Variants in CCSER1 observed in about 807,000 individuals in gnomAD.
CCSER1 encodes the protein coiled-coil serine rich protein 1, also known as serine-rich coiled-coil domain-containing protein 1.
In CCSER1, 41 loss-of-function variants were observed where a neutral mutation model predicts 82.0. The observed-to-expected ratio is 0.50, with a 90% confidence interval of 0.39 to 0.65. The LOEUF is 0.65. CCSER1 is among the 30% of genes least tolerant of loss of function. The probability of loss-of-function intolerance (pLI) is 0.00; values close to 1 mark genes in which losing one functional copy is unlikely to be tolerated. For synonymous variants in CCSER1, 414 were observed against 383.9 expected, an observed-to-expected ratio of 1.08 and a Z score of -0.92; for missense variants, 1,119 against 1,064.2, an observed-to-expected ratio of 1.05 and a Z score of -0.72.
intron 5 of CCSER1, among the ~76,000 whole-genome samples, chr4:90,595,793 A>C (rs114709854): frequency 0.019 from 2,910 of 152,012 alleles, 107 homozygotes; most frequent in African/African-American, 0.067. Context: ...TTTTCACAAA[A>C]AATAAAATAA....
chr4:90,276,255 C>CTTTCTTTGT (rs1560929917), intron 1 of CCSER1, among the ~76,000 whole-genome samples: 52 of 52,844 alleles, frequency 9.8e-4, no homozygotes, highest in African/African-American at 3.7e-3. Context: ...TCTTTCTTTC[C>CTTTCTTTGT]TTCCTTCCTT....
chr4:90,687,934 TA>T (rs1451787089), intron 6 of CCSER1, among the ~76,000 whole-genome samples: 243 of 152,278 alleles, frequency 1.6e-3, no homozygotes, highest in African/African-American at 5.7e-3. Flanking sequence ...TCTAACTCTG[TA>T]GCCTGTCCTC....
At chr4:90,511,456 A>G (rs1771497073) in intron 5 of CCSER1, among the ~76,000 whole-genome samples, 1 of 152,158 alleles carries the variant, frequency 6.6e-6, no homozygotes, top group South Asian at 2.1e-4. Context: ...TAACTTCAAC[A>G]CAGCTTTACG....
chr4:91,430,909 G>A (rs1350418636), intron 10 of CCSER1, among the ~76,000 whole-genome samples: 1 of 152,128 alleles, frequency 6.6e-6, no homozygotes, highest in Non-Finnish European at 1.5e-5. Context: ...TAAACAATCT[G>A]TTTTATTGTA....
intron 8 of CCSER1, among the ~76,000 whole-genome samples, chr4:90,855,103 A>T (rs759652830): frequency 1.3e-5 from 2 of 152,124 alleles, no homozygotes; most frequent in Non-Finnish European, 2.9e-5. Context: ...CCCATGATCC[A>T]GTCCAGTCAC....
At chr4:90,821,049 A>G (rs1759663086) in intron 8 of CCSER1, among the ~76,000 whole-genome samples, 1 of 152,068 alleles carries the variant, frequency 6.6e-6, no homozygotes, top group African/African-American at 2.4e-5. Flanking sequence ...GTGTTGGGGG[A>G]AATAAGGGCC....
intron 6 of CCSER1, among the ~76,000 whole-genome samples, chr4:90,720,024 T>G (rs1742391177): frequency 6.6e-6 from 1 of 152,208 alleles, no homozygotes; most frequent in South Asian, 2.1e-4. Context: ...TTGCTCATTC[T>G]TTTAATACTT....
chr4:90,563,261 G>A (rs1237004685), intron 5 of CCSER1, among the ~76,000 whole-genome samples: 8 of 151,878 alleles, frequency 5.3e-5, no homozygotes, highest in African/African-American at 9.7e-5. Context: ...ACAGGTGCCC[G>A]CCACCATGCC....
chr4:90,838,837 A>T, intron 8 of CCSER1: 16 of 1,599,026 alleles, frequency 1.0e-5, no homozygotes, highest in Non-Finnish European at 1.4e-5. Flanking sequence ...TTAAACAGCT[A>T]AAAGAAGTAA....
At chr4:91,202,553 G>C (rs936023590) in intron 10 of CCSER1, among the ~76,000 whole-genome samples, 1 of 152,006 alleles carries the variant, frequency 6.6e-6, no homozygotes, top group African/African-American at 2.4e-5. Context: ...ATTGCCGAAA[G>C]AGGCAGGATA....
At chr4:90,703,490 C>T (rs530592020) in intron 6 of CCSER1, among the ~76,000 whole-genome samples, 80 of 152,072 alleles carry the variant, frequency 5.3e-4, no homozygotes, top group African/African-American at 1.6e-3. Flanking sequence ...CTATTAGGTC[C>T]GCTTGATGTA....
chr4:90,231,198 A>G (rs1200124798), intron 1 of CCSER1, among the ~76,000 whole-genome samples: 1 of 152,086 alleles, frequency 6.6e-6, no homozygotes, highest in Non-Finnish European at 1.5e-5. Flanking sequence ...AATATCCTTG[A>G]TGAACATTGA....
intron 10 of CCSER1, among the ~76,000 whole-genome samples, chr4:91,208,350 T>C (rs796458944): frequency 1.7e-4 from 26 of 152,136 alleles, no homozygotes; most frequent in African/African-American, 5.8e-4. Flanking sequence ...CCAGGGTTTT[T>C]ATACTTCTAG....
At chr4:90,160,449 CAGG>C (rs1729224131) in intron 1 of CCSER1, among the ~76,000 whole-genome samples, 1 of 152,128 alleles carries the variant, frequency 6.6e-6, no homozygotes, top group Admixed American at 6.6e-5. Flanking sequence ...GGAGGACTAT[CAGG>C]AGATTTCAGT....
intron 1 of CCSER1, among the ~76,000 whole-genome samples, chr4:90,168,608 G>T (rs1730982242): frequency 6.6e-6 from 1 of 152,096 alleles, no homozygotes; most frequent in South Asian, 2.1e-4. Flanking sequence ...TATGGTTTTA[G>T]GTCTAACATT....
At chr4:90,711,152 A>G (rs890631743) in intron 6 of CCSER1, among the ~76,000 whole-genome samples, 4 of 152,068 alleles carry the variant, frequency 2.6e-5, no homozygotes, top group Admixed American at 2.6e-4. Flanking sequence ...AGTATATAGG[A>G]ATGCTAGTGA....
At chr4:91,325,007 A>G (rs185940674) in intron 10 of CCSER1, 88 of 348,988 alleles carry the variant, frequency 2.5e-4, no homozygotes, top group Middle Eastern at 1.0e-3. Context: ...TTTCCCCCTT[A>G]TTGTTCTAGT....
rs567243086 is a variant in CCSER1, at chr4:90,217,259, C to T, written c.-42+89428C>T. Among the ~76,000 whole-genome samples, 5 of 151,434 alleles carry T rather than the reference C, an allele frequency of 3.3e-5. No individual in the cohort carries two copies. In the East Asian group the frequency reaches 5.9e-4, roughly 18 times the overall value. On this transcript the variant is annotated intron_variant, in intron 1 of 10. Coordinates refer to ENST00000509176, the MANE Select transcript of CCSER1 (RefSeq NM_001145065.2). ...TTTCCCAGGCTGGAGTGCAGTGGTGCGATCTCGGCTCACTGCAGCCTCCAC... is the reference window on the plus strand; with the variant it reads ...TTTCCCAGGCTGGAGTGCAGTGGTGTGATCTCGGCTCACTGCAGCCTCCAC...
chr4:91,117,313 A>T (rs1177476577), intron 10 of CCSER1, among the ~76,000 whole-genome samples: 1 of 152,198 alleles, frequency 6.6e-6, no homozygotes, highest in Non-Finnish European at 1.5e-5. Context: ...TAATACCAGA[A>T]TCCAGTCTGC....
Sources: gnomAD v4.1 joint callset for allele counts (sites outside exome capture counted in the v4.1 genomes callset) on GRCh38, gnomAD v4.1.1 for gene constraint, MANE v1.5 for transcripts, NCBI Gene and HGNC (gene_info 2026-07-23, HGNC 2026-07-21) for gene names.